Variants in PGM5 observed in about 807,000 individuals in gnomAD.
PGM5 encodes the protein phosphoglucomutase 5, also known as phosphoglucomutase-like protein 5.
A neutral mutation model predicts 59.2 loss-of-function variants in PGM5; 23 were observed. The observed-to-expected ratio is 0.39, with a 90% CI of 0.28 to 0.55. PGM5 has a LOEUF of 0.55. Ranked by LOEUF, PGM5 falls within the 20% of genes least tolerant of loss-of-function variation. PGM5 has a pLI of 0.66. For missense variants in PGM5, 574 were observed against 748.3 expected (o/e 0.77, Z 2.72); for synonymous variants, 214 against 286.0 (o/e 0.75, Z 2.54).
chr9:68,488,879 T>C (rs1824341054), intron 9 of PGM5, among the ~76,000 whole-genome samples: 1 of 152,182 alleles, frequency 6.6e-6, no homozygotes, highest in East Asian at 1.9e-4. Flanking sequence ...AGCCTATAGC[T>C]ACAATGAGAA....
chr9:68,507,587 A>ATTT (rs11323007), intron 10 of PGM5, among the ~76,000 whole-genome samples: 1 of 147,464 alleles, frequency 6.8e-6, no homozygotes, highest in African/African-American at 2.5e-5. Context: ...TGTAATTATA[A>ATTT]TTTTTTTTTT....
chr9:68,378,781 CTTT>C (rs1181291879), intron 2 of PGM5, among the ~76,000 whole-genome samples: 2 of 151,920 alleles, frequency 1.3e-5, no homozygotes, highest in Non-Finnish European at 2.9e-5. Flanking sequence ...CCTGGCCTCT[CTTT>C]TTCCTACAGT....
In PGM5 at chr9:68,356,741, C is replaced by A. The variant is rs1373613422; in HGVS notation, c.-387C>A. On this transcript the variant is annotated 5_prime_UTR_variant, in exon 1 of 11. The change creates a new upstream start codon in the 5' untranslated region. Transcript: ENST00000396396. ...GGAGGGCGGCGATCGCGGGTGAAGG[C>A]TGGGGCCAGGCGCGGGTGGAGGCGT... Among the ~76,000 whole-genome samples, 1 of 152,200 alleles carries A rather than the reference C, an allele frequency of 6.6e-6. No individual in the cohort carries two copies. The highest frequency in any genetic ancestry group is 1.9e-4 in the East Asian group (1 of 5,182).
chr9:68,389,757 G>C (rs2132008471), intron 4 of PGM5, among the ~76,000 whole-genome samples: 1 of 152,230 alleles, frequency 6.6e-6, no homozygotes, highest in African/African-American at 2.4e-5. Flanking sequence ...TGGGTAAACA[G>C]CTAGGAATGG....
intron 10 of PGM5, among the ~76,000 whole-genome samples, chr9:68,527,876 TGC>T (rs1260082401): frequency 6.6e-6 from 1 of 152,198 alleles, no homozygotes; most frequent in East Asian, 1.9e-4. Context: ...TGCCTCCCCT[TGC>T]CTAATGAATT....
chr9:68,483,975 A>T lies in PGM5; in HGVS notation c.1406A>T (p.His469Leu). 1 of 1,614,106 alleles carries T rather than the reference A, an allele frequency of 6.2e-7. No individual in the cohort carries two copies. The highest frequency in any genetic ancestry group is 8.5e-7 in the Non-Finnish European group (1 of 1,179,968). ...GGCCAGCAGTTTGCTGTGGGGAGCCATGTCTACAGCGTGGCGAAGACGGAT... is the reference window on the plus strand; with the variant it reads ...GGCCAGCAGTTTGCTGTGGGGAGCCTTGTCTACAGCGTGGCGAAGACGGAT... ...FIGQQFAVGS[H>L]VYSVAKTDSF... Residue 469 changes from histidine (H) to leucine (L), a missense_variant, in exon 9 of 11, where the codon CAT becomes CTT. Physicochemically the swap from His to Leu is moderately conservative, Grantham distance 99. Transcript: ENST00000396396.
At chr9:68,461,439 A>G (rs1554685385) in intron 6 of PGM5, among the ~76,000 whole-genome samples, 1 of 152,208 alleles carries the variant, frequency 6.6e-6, no homozygotes, top group East Asian at 1.9e-4. Context: ...AGTCGTTGCC[A>G]CAGGTTTTGT....
chr9:68,433,167 G>A (rs546089231), intron 6 of PGM5, among the ~76,000 whole-genome samples: 14 of 152,148 alleles, frequency 9.2e-5, no homozygotes, highest in South Asian at 2.1e-4. Context: ...ACAACCCCCC[G>A]TCTTCCCCAA....
intron 2 of PGM5, 83 bp from the exon 3 acceptor site, chr9:68,384,315 C>G: frequency 1.2e-6 from 1 of 860,428 alleles, no homozygotes. Flanking sequence ...CTTTTTCTGC[C>G]TGGTGGAGGA....
chr9:68,426,871 C>T (rs1554682736), intron 6 of PGM5: 1 of 152,184 alleles, frequency 6.6e-6, no homozygotes, highest in African/African-American at 2.4e-5. Flanking sequence ...GCCTGTGAGG[C>T]CTCCCCTAGA....
At chr9:68,500,278 G>C (rs553913403) in intron 10 of PGM5, among the ~76,000 whole-genome samples, 6 of 152,218 alleles carry the variant, frequency 3.9e-5, no homozygotes, top group African/African-American at 1.4e-4. Context: ...TTCTTTGTCA[G>C]TAGTTTAGGG....
intron 10 of PGM5, among the ~76,000 whole-genome samples, chr9:68,507,140 C>T (rs1302672532): frequency 1.3e-5 from 2 of 152,100 alleles, no homozygotes; most frequent in African/African-American, 2.4e-5. Context: ...GTCGGTATTG[C>T]TGCACTTTGG....
chr9:68,529,308 G>A (rs1825042569), intron 10 of PGM5, among the ~76,000 whole-genome samples: 1 of 151,712 alleles, frequency 6.6e-6, no homozygotes, highest in Admixed American at 6.6e-5. Context: ...TTTGGTAGTT[G>A]GGTTGTACAT....
intron 10 of PGM5, among the ~76,000 whole-genome samples, chr9:68,505,232 A>G (rs1170468983): frequency 7.2e-5 from 11 of 152,122 alleles, no homozygotes; most frequent in African/African-American, 2.7e-4. Flanking sequence ...CCCAGAAGAG[A>G]ATTTCTTTTT....
intron 6 of PGM5, among the ~76,000 whole-genome samples, chr9:68,456,618 C>CTTT (rs1256922534): frequency 3.3e-5 from 4 of 122,336 alleles, no homozygotes; most frequent in African/African-American, 1.2e-4. Flanking sequence ...GTGCCCTGTC[C>CTTT]TTTTTTTTTT....
intron 6 of PGM5, among the ~76,000 whole-genome samples, chr9:68,411,503 T>TATATATAC (rs61541417): frequency 6.8e-6 from 1 of 146,126 alleles, no homozygotes; most frequent in African/African-American, 2.5e-5. Flanking sequence ...TATATATATA[T>TATATATAC]GATTTTCCCA....
chr9:68,437,409 A>G lies in PGM5; in HGVS notation c.1044-27684A>G, dbSNP rs782795556. Among the ~76,000 whole-genome samples, 6 of 152,204 alleles carry G rather than the reference A, an allele frequency of 3.9e-5. No homozygotes were observed. The highest frequency in any genetic ancestry group is 7.3e-5 in the Non-Finnish European group (5 of 68,028). On this transcript the variant is annotated intron_variant, in intron 6 of 10. Transcript: ENST00000396396. The surrounding 1 kb of genome is among the most constrained non-coding windows in gnomAD (Gnocchi z 4.1). ...TTACAGTAAAGCCTCAGGGAGCCCA[A>G]TGCTTAGGCAACAGTCTACAAGTTG... is the stretch of plus-strand genomic sequence containing the variant.
intron 6 of PGM5, among the ~76,000 whole-genome samples, chr9:68,456,185 ACT>A (rs1295319337): frequency 6.6e-6 from 1 of 151,560 alleles, no homozygotes; most frequent in African/African-American, 2.4e-5. Flanking sequence ...TTCTCAAACA[ACT>A]CTGAGTGTAA....
At chr9:68,517,758 T>G (rs1252887547) in intron 10 of PGM5, among the ~76,000 whole-genome samples, 1 of 152,230 alleles carries the variant, frequency 6.6e-6, no homozygotes, top group Non-Finnish European at 1.5e-5. Context: ...CTTCTAACTT[T>G]TAGTAGTGGT....
Sources: gnomAD v4.1 joint callset for allele counts (sites outside exome capture counted in the v4.1 genomes callset) on GRCh38, gnomAD v4.1.1 for gene constraint, Gnocchi (gnomAD v3.1) non-coding constraint, MANE v1.5 for transcripts, NCBI Gene and HGNC (gene_info 2026-07-23, HGNC 2026-07-21) for gene names.